The following TEKTL1 variants were observed in gnomAD, a reference collection of about 807,000 sequenced individuals.
The protein encoded by TEKTL1 is tektin-like protein 1.
chr19:15,011,761 T>C, the TEKTL1 span, among the ~76,000 whole-genome samples: 9 of 137,430 alleles, frequency 6.5e-5, no homozygotes, highest in Non-Finnish European at 1.4e-4. Context: ...AATATTTCCA[T>C]AGAGAGAACA....
At chr19:15,021,276 C>T in the TEKTL1 span, 66 of 1,566,034 alleles carry the variant, frequency 4.2e-5, 1 homozygote, top group South Asian at 3.9e-4. Flanking sequence ...CCCACCACCA[C>T]CTGAGAATAG....
At chr19:15,022,783 C>T in the TEKTL1 span, 8 of 1,289,954 alleles carry the variant, frequency 6.2e-6, no homozygotes, top group Non-Finnish European at 8.4e-6. Context: ...CAGCTGTGTT[C>T]CTTACACACA....
chr19:15,013,187 G>A, the TEKTL1 span, among the ~76,000 whole-genome samples: 52 of 152,108 alleles, frequency 3.4e-4, no homozygotes, highest in East Asian at 8.9e-3. Context: ...CCTGCCTCCC[G>A]GGGGAGAGAT....
the TEKTL1 span, among the ~76,000 whole-genome samples, chr19:15,012,138 A>G: frequency 6.6e-6 from 1 of 151,404 alleles, no homozygotes. Context: ...GCATGCACTT[A>G]TGGTCCCAGC....
chr19:15,020,178 T>C, the TEKTL1 span, among the ~76,000 whole-genome samples: 1 of 150,814 alleles, frequency 6.6e-6, no homozygotes, highest in African/African-American at 2.4e-5. Context: ...CATGGTGCTT[T>C]ACTCCTGTAG....
chr19:15,011,233 C>T, the TEKTL1 span: 2 of 1,483,022 alleles, frequency 1.3e-6, no homozygotes, highest in Non-Finnish European at 1.8e-6. Context: ...CGCGCCTCAC[C>T]GCCGCCCGCC....
the TEKTL1 span, chr19:15,021,753 T>G: frequency 6.2e-7 from 1 of 1,611,912 alleles, no homozygotes; most frequent in Admixed American, 1.7e-5. Flanking sequence ...GAGGCAGGGG[T>G]GCCGGTGGCT....
the TEKTL1 span, among the ~76,000 whole-genome samples, chr19:15,020,172 G>T: frequency 6.6e-6 from 1 of 151,186 alleles, no homozygotes; most frequent in Non-Finnish European, 1.5e-5. Flanking sequence ...GCAAGGCATG[G>T]TGCTTTACTC....
the TEKTL1 span, chr19:15,020,625 GCCT>G: frequency 3.7e-6 from 6 of 1,613,820 alleles, 1 homozygote; most frequent in East Asian, 1.3e-4. Context: ...GTCAGAAAAC[GCCT>G]CCTCCAGACC....
chr19:15,021,640 C>A, the TEKTL1 span: 1 of 1,614,116 alleles, frequency 6.2e-7, no homozygotes, highest in Non-Finnish European at 8.5e-7. Flanking sequence ...GACGTTAGGA[C>A]TGATGAGGGG....
the TEKTL1 span, among the ~76,000 whole-genome samples, chr19:15,016,209 T>C: frequency 8.3e-6 from 1 of 119,958 alleles, no homozygotes; most frequent in South Asian, 2.8e-4. Context: ...TTTTTTTTTT[T>C]GAGTTGGCTC....
At chr19:15,016,482 C>T in the TEKTL1 span, among the ~76,000 whole-genome samples, 1 of 152,206 alleles carries the variant, frequency 6.6e-6, no homozygotes, top group Non-Finnish European at 1.5e-5. Flanking sequence ...CCACTGCGCC[C>T]GGCCTGGACT....
chr19:15,013,393 G>A, the TEKTL1 span, among the ~76,000 whole-genome samples: 5 of 152,238 alleles, frequency 3.3e-5, no homozygotes, highest in Admixed American at 3.3e-4. Context: ...CCCCCAAGTT[G>A]AGACACCTTC....
the TEKTL1 span, chr19:15,022,844 C>T: frequency 6.4e-7 from 1 of 1,562,108 alleles, no homozygotes; most frequent in Non-Finnish European, 8.7e-7. Context: ...TGCTCTGGCT[C>T]ACGGGTCTGC....
At chr19:15,022,990 C>T in the TEKTL1 span, 19 of 1,613,148 alleles carry the variant, frequency 1.2e-5, no homozygotes, top group African/African-American at 2.7e-5. Context: ...ATGAGGTGGA[C>T]GGCAACGTGG....
the TEKTL1 span, chr19:15,010,938 G>C: frequency 6.3e-7 from 1 of 1,585,604 alleles, no homozygotes; most frequent in Non-Finnish European, 8.6e-7. Context: ...CTGACCGATC[G>C]CTGCGGGCAG....
At chr19:15,021,250 A>G in the TEKTL1 span, 1 of 1,446,562 alleles carries the variant, frequency 6.9e-7, no homozygotes, top group Non-Finnish European at 9.3e-7. Context: ...CCTCAATAAA[A>G]CCCCCTCGCC....
At chr19:15,020,429 TCA>T in the TEKTL1 span, 1 of 1,594,896 alleles carries the variant, frequency 6.3e-7, no homozygotes, top group Non-Finnish European at 8.6e-7. Flanking sequence ...CTCCCAGTTC[TCA>T]CTCTGTCTTC....
At chr19:15,015,467 C>T in the TEKTL1 span, among the ~76,000 whole-genome samples, 35 of 152,284 alleles carry the variant, frequency 2.3e-4, no homozygotes, top group Middle Eastern at 3.4e-3. Flanking sequence ...CCTTGCTCTA[C>T]GGTGATTTCA....
Sources: allele counts gnomAD v4.1 joint callset (sites outside exome capture counted in the v4.1 genomes callset), GRCh38; gene constraint gnomAD v4.1.1; transcripts MANE v1.5; gene names NCBI Gene and HGNC (gene_info 2026-07-23, HGNC 2026-07-21).